The following LRBA variants were observed in gnomAD, a reference collection of about 807,000 sequenced individuals.
LRBA encodes LPS responsive beige-like anchor protein.
LRBA carries 176 observed loss-of-function variants against 330.0 expected under a neutral mutation model. The ratio of observed to expected loss-of-function variants is 0.53; its 90% CI spans 0.47 to 0.60. The LOEUF (loss-of-function observed/expected upper bound fraction) is 0.60, where lower values mean the gene tolerates loss of function less well. Among genes scored for constraint, LRBA ranks in the 20% least tolerant of loss-of-function variants. The probability of loss-of-function intolerance (pLI) is 0.00; values close to 1 mark genes in which losing one functional copy is unlikely to be tolerated. For synonymous variants in LRBA, 1,230 were observed against 1,193.0 expected, an observed-to-expected ratio of 1.03 and a Z score of -0.64; for missense variants, 3,259 against 3,444.8, an observed-to-expected ratio of 0.95 and a Z score of 1.35.
intron 40 of LRBA, among the ~76,000 whole-genome samples, chr4:150,533,592 A>T (rs1176227080): frequency 6.6e-6 from 1 of 152,094 alleles, no homozygotes; most frequent in Non-Finnish European, 1.5e-5. Context: ...TCTTAGTTCC[A>T]TATTTACCCT....
At chr4:150,766,119 T>TAC (rs1310786326) in intron 34 of LRBA, among the ~76,000 whole-genome samples, 4 of 152,086 alleles carry the variant, frequency 2.6e-5, no homozygotes. Context: ...AAACCCATAT[T>TAC]TGTTAACCTT....
At chr4:150,910,724 A>T (rs1176690987) in intron 9 of LRBA, among the ~76,000 whole-genome samples, 1 of 152,182 alleles carries the variant, frequency 6.6e-6, no homozygotes, top group Non-Finnish European at 1.5e-5. Context: ...GGATTTTGAT[A>T]AGAACTGTAC....
chr4:150,394,928 G>A (rs1354074765), intron 47 of LRBA, among the ~76,000 whole-genome samples: 1 of 152,026 alleles, frequency 6.6e-6, no homozygotes, highest in Non-Finnish European at 1.5e-5. Context: ...CTTAAATGCA[G>A]GAGCATAACA....
intron 40 of LRBA, among the ~76,000 whole-genome samples, chr4:150,570,285 T>A (rs1769675521): frequency 6.6e-6 from 1 of 152,104 alleles, no homozygotes; most frequent in Non-Finnish European, 1.5e-5. Flanking sequence ...GTCTCACTAT[T>A]TTTGCATCTC....
chr4:150,921,820 G>A (rs1351858848), intron 4 of LRBA, among the ~76,000 whole-genome samples: 1 of 152,118 alleles, frequency 6.6e-6, no homozygotes, highest in Non-Finnish European at 1.5e-5. Context: ...CCGCCTCCCA[G>A]GTTCAAGCGA....
At chr4:150,318,514 T>C (rs1213356016) in intron 50 of LRBA, among the ~76,000 whole-genome samples, 1 of 152,140 alleles carries the variant, frequency 6.6e-6, no homozygotes, top group East Asian at 1.9e-4. Flanking sequence ...ATTTTTGATG[T>C]TTGTTTTAAA....
chr4:150,940,543 T>C (rs867511767), intron 2 of LRBA, among the ~76,000 whole-genome samples: 8 of 152,362 alleles, frequency 5.3e-5, no homozygotes, highest in Middle Eastern at 3.4e-3. Context: ...AGTACTTTTA[T>C]ATACTTTACA....
intron 37 of LRBA, among the ~76,000 whole-genome samples, chr4:150,619,128 A>C (rs1409794603): frequency 6.6e-6 from 1 of 152,152 alleles, no homozygotes; most frequent in Non-Finnish European, 1.5e-5. Context: ...AAAATCACAG[A>C]GAGGTACATG....
At chr4:150,906,908 G>C (rs547747583) in intron 11 of LRBA, among the ~76,000 whole-genome samples, 4 of 151,994 alleles carry the variant, frequency 2.6e-5, no homozygotes, top group Non-Finnish European at 5.9e-5. Flanking sequence ...TGAAGAGAAA[G>C]ATGAGACAGT....
chr4:150,441,343 A>G (rs1751814066), intron 44 of LRBA, among the ~76,000 whole-genome samples: 1 of 152,098 alleles, frequency 6.6e-6, no homozygotes, highest in Admixed American at 6.5e-5. Context: ...TACTTTAAGA[A>G]CATAATCAAA....
intron 47 of LRBA, among the ~76,000 whole-genome samples, chr4:150,380,982 CAAAAAAAA>C (rs58528401): frequency 2.0e-4 from 12 of 61,000 alleles, no homozygotes; most frequent in African/African-American, 3.3e-4. Flanking sequence ...AACTCCATCT[CAAAAAAAA>C]AAAAAAAAAA....
chr4:150,589,058 CACACACACACACACAG>C (rs1185366465), intron 39 of LRBA, among the ~76,000 whole-genome samples: 4 of 151,086 alleles, frequency 2.6e-5, no homozygotes, highest in African/African-American at 7.4e-5. Flanking sequence ...CACACACACA[CACACACACACACACAG>C]AGAGAGAGAG....
chr4:150,398,413 T>G (rs959014239), intron 47 of LRBA, among the ~76,000 whole-genome samples: 9 of 152,220 alleles, frequency 5.9e-5, no homozygotes, highest in Admixed American at 4.6e-4. Flanking sequence ...ACTTTTGCTC[T>G]CAATGTTTCT....
At chr4:150,432,847 G>A (rs1750616307) in intron 46 of LRBA, among the ~76,000 whole-genome samples, 1 of 152,066 alleles carries the variant, frequency 6.6e-6, no homozygotes, top group African/African-American at 2.4e-5. Flanking sequence ...TCCTGTTTTA[G>A]AAAGACCAAC....
intron 38 of LRBA, chr4:150,597,128 T>A (rs756228351): frequency 2.2e-6 from 3 of 1,350,806 alleles, no homozygotes; most frequent in Non-Finnish European, 3.1e-6. Flanking sequence ...AAAACATAGA[T>A]AATTAACATT....
chr4:150,828,397 G>A lies in LRBA; in HGVS notation c.4954C>T (p.Pro1652Ser), dbSNP rs1473665220. The change falls in exon 30 of 57, where the codon CCG becomes TCG. Residue 1652 changes from proline to serine, a missense_variant. By Grantham distance (74) the Pro-to-Ser change is moderately conservative (BLOSUM62 -1). Coordinates refer to ENST00000651943, the MANE Select transcript of LRBA (RefSeq NM_001364905.1). ...TTTCCTCTATCATTTTTGGTTTCCG[G>A]AGACTTATTGACTTCTAAAGAAAGA... Reference protein sequence around the residue: ...STLSLEVNKSPETKNDRGNDL... With the variant: ...STLSLEVNKSSETKNDRGNDL... 6.2e-7 allele frequency: 1 copy of A among 1,614,046 alleles called. No homozygotes were observed. Among genetic ancestry groups the A allele is most frequent in the Non-Finnish European group, 8.5e-7 (1 of 1,179,978 alleles).
intron 37 of LRBA, among the ~76,000 whole-genome samples, chr4:150,675,447 G>A (rs1042320712): frequency 5.3e-5 from 8 of 151,574 alleles, no homozygotes; most frequent in East Asian, 3.9e-4. Flanking sequence ...GGCTGGGCGC[G>A]GTGGCTCATG....
chr4:150,512,717 G>GA (rs370203536), intron 40 of LRBA, among the ~76,000 whole-genome samples: 5,059 of 100,500 alleles, frequency 0.05, 184 homozygotes, highest in African/African-American at 0.13. Flanking sequence ...TGCTTTTTGA[G>GA]AAAAAAAAAA....
chr4:150,727,192 G>GCCTC (rs1729819930), intron 36 of LRBA, among the ~76,000 whole-genome samples: 1 of 145,808 alleles, frequency 6.9e-6, no homozygotes, highest in Admixed American at 7.3e-5. Context: ...TCCTACCTCA[G>GCCTC]CCTCCTGAGC....
Sources: gnomAD v4.1 joint callset for allele counts (sites outside exome capture counted in the v4.1 genomes callset) on GRCh38, gnomAD v4.1.1 for gene constraint, MANE v1.5 for transcripts, NCBI Gene and HGNC (gene_info 2026-07-23, HGNC 2026-07-21) for gene names.